The following CDH18 variants were observed in gnomAD, a reference collection of about 807,000 sequenced individuals.
CDH18 encodes cadherin-18.
Under a neutral mutation model 67.9 loss-of-function variants are expected in CDH18, and 31 were observed. That is an observed-to-expected ratio of 0.46 (90% CI 0.34 to 0.62). The LOEUF (loss-of-function observed/expected upper bound fraction) is 0.62, where lower values mean the gene tolerates loss of function less well. Among genes scored for constraint, CDH18 ranks in the 20% least tolerant of loss-of-function variants. The pLI is 0.01. For synonymous variants in CDH18, 362 were observed against 347.2 expected (o/e 1.04, Z -0.48); for missense variants, 890 against 975.5 (o/e 0.91, Z 1.17).
intron 5 of CDH18, among the ~76,000 whole-genome samples, chr5:19,639,390 G>T (rs374638259): frequency 6.6e-6 from 1 of 152,160 alleles, no homozygotes; most frequent in Non-Finnish European, 1.5e-5. Flanking sequence ...CAGCCACTGG[G>T]TGGATGCCCT....
intron 8 of CDH18, among the ~76,000 whole-genome samples, chr5:19,558,665 C>A (rs1400933138): frequency 1.3e-5 from 2 of 151,456 alleles, no homozygotes; most frequent in South Asian, 4.2e-4. Flanking sequence ...AAGTTACCAA[C>A]AACAAAAAAA....
intron 5 of CDH18, among the ~76,000 whole-genome samples, chr5:19,701,870 C>T (rs1049791194): frequency 2.6e-5 from 4 of 151,990 alleles, no homozygotes; most frequent in African/African-American, 9.7e-5. Flanking sequence ...GGCTTCTTTC[C>T]CAGAAAAGTA....
At chr5:20,077,752 GT>G in intron 2 of CDH18, among the ~76,000 whole-genome samples, 1 of 152,214 alleles carries the variant, frequency 6.6e-6, no homozygotes, top group East Asian at 1.9e-4. Flanking sequence ...TTTTACATTT[GT>G]TTAGTACTGT....
intron 1 of CDH18, among the ~76,000 whole-genome samples, chr5:20,270,482 A>G (rs1439691564): frequency 6.6e-6 from 1 of 152,130 alleles, no homozygotes; most frequent in Non-Finnish European, 1.5e-5. Context: ...TCAAAAAATA[A>G]CAGATTCTGG....
At chr5:19,740,244 C>A (rs1217030188) in intron 4 of CDH18, among the ~76,000 whole-genome samples, 1 of 151,924 alleles carries the variant, frequency 6.6e-6, no homozygotes, top group Non-Finnish European at 1.5e-5. Flanking sequence ...TATACTAATA[C>A]ACAGAAGAGT....
At chr5:19,928,151 A>G (rs1427101236) in intron 2 of CDH18, among the ~76,000 whole-genome samples, 2 of 152,194 alleles carry the variant, frequency 1.3e-5, no homozygotes, top group East Asian at 3.9e-4. Context: ...AATTACCTGC[A>G]GAGAGTCGCC....
intron 4 of CDH18, among the ~76,000 whole-genome samples, chr5:19,724,950 G>A (rs1445590486): frequency 3.5e-5 from 5 of 144,176 alleles, no homozygotes; most frequent in Admixed American, 1.4e-4. Context: ...TTTTTGAGAC[G>A]GAGTCTCCTT....
In CDH18 at chr5:20,266,571, A is replaced by ATTTTTTTTTTTTTT. The variant is rs34718835; in HGVS notation, c.-579-11080_-579-11067dup. Among the ~76,000 whole-genome samples the ATTTTTTTTTTTTTT allele has an allele frequency of 1.6e-3, 93 of 59,190 alleles. 1 individual carries two copies. The highest frequency in any genetic ancestry group is 3.7e-3 in the East Asian group (7 of 1,894). The allele number at this position is 59,190 out of a possible 152,430, so 38.8% of individuals were successfully genotyped here. Reference sequence around the variant, plus strand: ...GGCACGTGCCGGCACGCCCGGCTGAATTTTTTTTTTTTTTTTTTTTTTTTT... The same window carrying ATTTTTTTTTTTTTT: ...GGCACGTGCCGGCACGCCCGGCTGAATTTTTTTTTTTTTTTTTTTTTTTTTTTTTTTTTTTTTTT... On this transcript the variant is annotated intron_variant, in intron 1 of 14. Coordinates refer to the CDH18 transcript ENST00000507958.
intron 12 of CDH18, among the ~76,000 whole-genome samples, chr5:19,474,024 G>T (rs1466398819): frequency 1.3e-5 from 2 of 152,042 alleles, no homozygotes; most frequent in Non-Finnish European, 1.5e-5. Context: ...ACCATTTAGT[G>T]ATTAAAGTGA....
At chr5:19,650,010 C>A (rs866781405) in intron 5 of CDH18, among the ~76,000 whole-genome samples, 3 of 151,948 alleles carry the variant, frequency 2.0e-5, no homozygotes, top group Middle Eastern at 3.4e-3. Context: ...ACTTATGGCT[C>A]AAATTTTAAA....
intron 2 of CDH18, among the ~76,000 whole-genome samples, chr5:20,102,400 T>A (rs1452277172): frequency 6.6e-6 from 1 of 152,152 alleles, no homozygotes; most frequent in Non-Finnish European, 1.5e-5. Flanking sequence ...CTTCCAAGCG[T>A]AATCAATGGA....
intron 1 of CDH18, among the ~76,000 whole-genome samples, chr5:20,455,785 A>C (rs1011058742): frequency 1.3e-5 from 2 of 152,102 alleles, no homozygotes; most frequent in African/African-American, 4.8e-5. Flanking sequence ...TCTTTCTTAG[A>C]ATATCAAAAT....
intron 5 of CDH18, among the ~76,000 whole-genome samples, chr5:19,662,975 G>T (rs1757395082): frequency 6.6e-6 from 1 of 151,936 alleles, no homozygotes; most frequent in Non-Finnish European, 1.5e-5. Context: ...GAATAAATAT[G>T]CCCGCTTAAA....
At chr5:19,974,965 T>A (rs1477153153) in intron 2 of CDH18, among the ~76,000 whole-genome samples, 2 of 152,126 alleles carry the variant, frequency 1.3e-5, no homozygotes, top group South Asian at 2.1e-4. Flanking sequence ...GACTTAAATG[T>A]ACTCTTCTAC....
At chr5:19,876,834 C>T (rs539990062) in intron 2 of CDH18, among the ~76,000 whole-genome samples, 5 of 152,128 alleles carry the variant, frequency 3.3e-5, no homozygotes. Context: ...CAGAGCTATG[C>T]TAACTTCCTA....
intron 3 of CDH18, among the ~76,000 whole-genome samples, chr5:19,831,992 G>A (rs57344726): frequency 0.011 from 1,711 of 152,138 alleles, 29 homozygotes; most frequent in African/African-American, 0.037. Context: ...TATCCCAAGT[G>A]AGCTAACACA....
intron 2 of CDH18, among the ~76,000 whole-genome samples, chr5:20,043,421 T>C (rs1328568879): frequency 6.6e-6 from 1 of 152,166 alleles, no homozygotes; most frequent in Non-Finnish European, 1.5e-5. Flanking sequence ...AAACAATAGC[T>C]ATTCTTTCTC....
chr5:19,777,541 T>C (rs2149767934), intron 3 of CDH18, among the ~76,000 whole-genome samples: 1 of 152,292 alleles, frequency 6.6e-6, no homozygotes, highest in East Asian at 1.9e-4. Context: ...ACTGTGCTTG[T>C]GAAGAATCAG....
In CDH18 at chr5:20,501,544, T is replaced by C. The variant is rs1754275259; in HGVS notation, c.-580+73918A>G. On this transcript the variant is annotated intron_variant, in intron 1 of 14. Transcript: ENST00000507958. ...ATACATATTATATATATTATATACATATTATATATATAATATATATATATA... is the reference window on the plus strand; with the variant it reads ...ATACATATTATATATATTATATACACATTATATATATAATATATATATATA... Among the ~76,000 whole-genome samples, 11 of 26,424 alleles carry C rather than the reference T, an allele frequency of 4.2e-4. No individual in the cohort carries two copies. In the Admixed American group the frequency reaches 9.9e-3, roughly 24 times the overall value. The allele number at this position is 26,424 out of a possible 152,430, so 17.3% of individuals were successfully genotyped here.
Sources: gnomAD v4.1 joint callset for allele counts (sites outside exome capture counted in the v4.1 genomes callset) on GRCh38, gnomAD v4.1.1 for gene constraint, MANE v1.5 for transcripts, NCBI Gene and HGNC (gene_info 2026-07-23, HGNC 2026-07-21) for gene names.